Variants in DSCAM observed in about 807,000 individuals in gnomAD.
DSCAM encodes the protein cell adhesion molecule DSCAM.
A neutral mutation model predicts 217.7 loss-of-function variants in DSCAM; 47 were observed. That is an observed-to-expected ratio of 0.22 (90% CI 0.17 to 0.28). DSCAM has a LOEUF of 0.28. DSCAM is among the 10% of genes least tolerant of loss of function. The pLI, the probability that DSCAM is intolerant of heterozygous loss-of-function variation, is 1.00. For missense variants in DSCAM, 2,080 were observed against 2,618.3 expected, an observed-to-expected ratio of 0.79 and a Z score of 4.49; for synonymous variants, 1,056 against 1,015.3, an observed-to-expected ratio of 1.04 and a Z score of -0.76.
intron 3 of DSCAM, among the ~76,000 whole-genome samples, chr21:40,492,706 AT>A (rs1202781283): frequency 1.3e-5 from 2 of 149,298 alleles, no homozygotes; most frequent in African/African-American, 5.0e-5. Flanking sequence ...GAATGAGAAA[AT>A]TTGAAGAAAG....
At chr21:40,276,452 G>A (rs1202232360) in intron 10 of DSCAM, among the ~76,000 whole-genome samples, 182 bp from the exon 11 acceptor site, 1 of 152,170 alleles carries the variant, frequency 6.6e-6, no homozygotes, top group East Asian at 1.9e-4. Flanking sequence ...AGAGAGAAAA[G>A]CATTTATTTA....
intron 11 of DSCAM, among the ~76,000 whole-genome samples, chr21:40,215,555 T>A (rs1212664963): frequency 2.0e-5 from 3 of 151,998 alleles, no homozygotes; most frequent in African/African-American, 7.3e-5. Context: ...AACTCAGGAA[T>A]TAAAAACCAG....
At chr21:40,445,876 A>C (rs1453773305) in intron 3 of DSCAM, among the ~76,000 whole-genome samples, 1 of 152,246 alleles carries the variant, frequency 6.6e-6, no homozygotes. Context: ...GTTCACACTG[A>C]ATGCAAATAA....
chr21:40,027,070 T>C (rs2088404240), intron 32 of DSCAM, among the ~76,000 whole-genome samples: 1 of 152,304 alleles, frequency 6.6e-6, no homozygotes, highest in African/African-American at 2.4e-5. Flanking sequence ...AGGGCAGGCC[T>C]GGTAGTGACA....
At chr21:40,139,013 G>GGTGTGTGTGTA (rs1434084431) in intron 18 of DSCAM, among the ~76,000 whole-genome samples, 3 of 146,178 alleles carry the variant, frequency 2.1e-5, no homozygotes, top group Non-Finnish European at 4.5e-5. Flanking sequence ...GTGTATGTGT[G>GGTGTGTGTGTA]GTGTGTGTGT....
intron 10 of DSCAM, 66 bp from the exon 11 acceptor site, chr21:40,276,336 C>A: frequency 7.0e-7 from 1 of 1,435,782 alleles, no homozygotes. Context: ...ACAACGAGTT[C>A]AAGTACACAC....
intron 10 of DSCAM, among the ~76,000 whole-genome samples, chr21:40,280,836 C>T (rs1028050410): frequency 3.9e-5 from 6 of 152,176 alleles, no homozygotes; most frequent in East Asian, 1.9e-4. Flanking sequence ...CTCTCCCTCC[C>T]GCTCAGTCTT....
intron 16 of DSCAM, among the ~76,000 whole-genome samples, chr21:40,158,490 A>G (rs1172242619): frequency 6.6e-6 from 1 of 152,252 alleles, no homozygotes; most frequent in Non-Finnish European, 1.5e-5. Context: ...GGAATGTGCT[A>G]GAAGCATTCA....
chr21:40,394,080 A>G (rs890212176), intron 3 of DSCAM, among the ~76,000 whole-genome samples: 4 of 152,240 alleles, frequency 2.6e-5, no homozygotes, highest in Non-Finnish European at 1.5e-5. Context: ...CATCAAACTG[A>G]TAAATTCATG....
At chr21:40,638,456 G>C (rs2089835722) in intron 3 of DSCAM, among the ~76,000 whole-genome samples, 1 of 152,008 alleles carries the variant, frequency 6.6e-6, no homozygotes, top group Non-Finnish European at 1.5e-5. Flanking sequence ...AAGCAAATTA[G>C]AATTCAAGCT....
intron 3 of DSCAM, among the ~76,000 whole-genome samples, chr21:40,463,536 A>G (rs2075821737): frequency 6.6e-6 from 1 of 152,080 alleles, no homozygotes. Flanking sequence ...CACTTTCCCC[A>G]GGTCTTAACT....
intron 3 of DSCAM, among the ~76,000 whole-genome samples, chr21:40,615,116 C>G (rs2089371510): frequency 6.6e-6 from 1 of 151,228 alleles, no homozygotes; most frequent in Non-Finnish European, 1.5e-5. Flanking sequence ...CCAGCCTGAC[C>G]AACATGGCGA....
At chr21:40,113,797 G>A (rs933384612) in intron 20 of DSCAM, among the ~76,000 whole-genome samples, 3 of 152,154 alleles carry the variant, frequency 2.0e-5, no homozygotes, top group Admixed American at 6.6e-5. Context: ...AATCATGACT[G>A]AACTCCCATT....
At chr21:40,238,375 C>A (rs1271327864) in intron 11 of DSCAM, among the ~76,000 whole-genome samples, 1 of 152,176 alleles carries the variant, frequency 6.6e-6, no homozygotes, top group Non-Finnish European at 1.5e-5. Context: ...ATGAGAATCT[C>A]CTCTTTACAC....
chr21:40,249,195 T>G (rs2073268667), intron 11 of DSCAM, among the ~76,000 whole-genome samples: 1 of 152,214 alleles, frequency 6.6e-6, no homozygotes, highest in South Asian at 2.1e-4. Flanking sequence ...TTGTTGGATA[T>G]TAGCTGATAT....
intron 4 of DSCAM, among the ~76,000 whole-genome samples, chr21:40,364,877 T>C (rs2074814730): frequency 6.7e-6 from 1 of 149,700 alleles, no homozygotes; most frequent in African/African-American, 2.4e-5. Flanking sequence ...ATTATTTCAG[T>C]TGTATAAATG....
intron 3 of DSCAM, among the ~76,000 whole-genome samples, chr21:40,400,560 A>T (rs929029980): frequency 6.6e-6 from 1 of 152,186 alleles, no homozygotes; most frequent in South Asian, 2.1e-4. Flanking sequence ...GCTGGAAGGC[A>T]GTGGCATGAG....
chr21:40,147,240 A>C (rs746475698), intron 16 of DSCAM, among the ~76,000 whole-genome samples: 5 of 152,178 alleles, frequency 3.3e-5, no homozygotes, highest in Non-Finnish European at 7.3e-5. Context: ...GTTTTCATAG[A>C]GCCACCAATT....
At chr21:40,335,282 C>T (rs2074418445) in intron 8 of DSCAM, among the ~76,000 whole-genome samples, 1 of 152,084 alleles carries the variant, frequency 6.6e-6, no homozygotes, top group Non-Finnish European at 1.5e-5. Context: ...TTTGCAAGTA[C>T]TTGCAAAGGA....
Sources: gnomAD v4.1 joint callset for allele counts (sites outside exome capture counted in the v4.1 genomes callset) on GRCh38, gnomAD v4.1.1 for gene constraint, MANE v1.5 for transcripts, NCBI Gene and HGNC (gene_info 2026-07-23, HGNC 2026-07-21) for gene names.